The following SLC25A48 variants were observed in gnomAD, a reference collection of about 807,000 sequenced individuals.
SLC25A48 encodes solute carrier family 25 member 48.
In SLC25A48, 29 loss-of-function variants were observed where a neutral mutation model predicts 32.2. That is an observed-to-expected ratio of 0.90 (90% CI 0.67 to 1.23). SLC25A48 has a LOEUF of 1.23. Ranked by LOEUF, SLC25A48 falls within the 50% of genes most tolerant of loss-of-function variation. The probability of loss-of-function intolerance (pLI) is 0.00; values close to 1 mark genes in which losing one functional copy is unlikely to be tolerated. For synonymous variants in SLC25A48, 164 were observed against 172.3 expected, an observed-to-expected ratio of 0.95 and a Z score of 0.38; for missense variants, 399 against 422.7, an observed-to-expected ratio of 0.94 and a Z score of 0.49.
At chr5:135,610,747 C>T (rs1346358758) in intron 1 of SLC25A48, among the ~76,000 whole-genome samples, 1 of 152,228 alleles carries the variant, frequency 6.6e-6, no homozygotes, top group Non-Finnish European at 1.5e-5. Context: ...CAGAACAGAG[C>T]TGACAACCAC....
At chr5:135,625,373 G>A (rs1752420621) in intron 1 of SLC25A48, among the ~76,000 whole-genome samples, 1 of 152,160 alleles carries the variant, frequency 6.6e-6, no homozygotes, top group Non-Finnish European at 1.5e-5. Flanking sequence ...CAGAAGAGAT[G>A]TGGCTAGCAA....
intron 4 of SLC25A48, 71 bp from the exon 5 acceptor site, chr5:135,871,390 T>C: frequency 1.3e-6 from 2 of 1,511,152 alleles, no homozygotes; most frequent in Non-Finnish European, 1.8e-6. Flanking sequence ...CTGGGCTGGC[T>C]CCAGTGTCAC....
intron 3 of SLC25A48, among the ~76,000 whole-genome samples, chr5:135,692,827 C>G (rs1179224065): frequency 6.6e-6 from 1 of 152,218 alleles, no homozygotes; most frequent in Admixed American, 6.5e-5. Context: ...TGCCACTCAA[C>G]TAAGAGATGA....
At chr5:135,792,023 T>A (rs953297330) in intron 3 of SLC25A48, among the ~76,000 whole-genome samples, 1 of 151,824 alleles carries the variant, frequency 6.6e-6, no homozygotes, top group African/African-American at 2.4e-5. Flanking sequence ...CTAATATCAC[T>A]GTGGGTGTTC....
At chr5:135,717,121 C>T (rs990660014) in intron 3 of SLC25A48, among the ~76,000 whole-genome samples, 14 of 152,270 alleles carry the variant, frequency 9.2e-5, no homozygotes, top group Admixed American at 7.8e-4. Context: ...TGTCCACCTT[C>T]GGGCAGATGT....
chr5:135,617,977 T>C (rs1752227597), intron 1 of SLC25A48, among the ~76,000 whole-genome samples: 1 of 152,004 alleles, frequency 6.6e-6, no homozygotes, highest in Non-Finnish European at 1.5e-5. Flanking sequence ...TCTTTGCTAG[T>C]TTTCTGTCTA....
chr5:135,684,536 A>G (rs578044274), intron 3 of SLC25A48, among the ~76,000 whole-genome samples: 7 of 152,212 alleles, frequency 4.6e-5, no homozygotes, highest in South Asian at 2.1e-4. Flanking sequence ...AGTTGTCCCA[A>G]TTTGGGTTGG....
chr5:135,671,747 G>A (rs549495181), intron 3 of SLC25A48: 1 of 152,200 alleles, frequency 6.6e-6, no homozygotes, highest in East Asian at 1.9e-4. Flanking sequence ...ACAAACACAA[G>A]GTAATTTCAT....
chr5:135,819,843 A>G (rs1757834586), intron 4 of SLC25A48, among the ~76,000 whole-genome samples: 1 of 152,234 alleles, frequency 6.6e-6, no homozygotes, highest in African/African-American at 2.4e-5. Context: ...CAACATCATT[A>G]GTCATCAAGA....
At chr5:135,654,941 C>T (rs1041786796) in intron 3 of SLC25A48, among the ~76,000 whole-genome samples, 2 of 152,266 alleles carry the variant, frequency 1.3e-5, no homozygotes, top group East Asian at 1.9e-4. Context: ...AGTGGATGCT[C>T]AATAAATATT....
At chr5:135,660,284 A>G (rs1753366275) in intron 3 of SLC25A48, among the ~76,000 whole-genome samples, 1 of 152,226 alleles carries the variant, frequency 6.6e-6, no homozygotes, top group African/African-American at 2.4e-5. Flanking sequence ...AATATCAATG[A>G]TGATACAATC....
intron 3 of SLC25A48, among the ~76,000 whole-genome samples, chr5:135,718,165 G>C (rs1416247619): frequency 6.6e-6 from 1 of 152,072 alleles, no homozygotes; most frequent in Non-Finnish European, 1.5e-5. Context: ...GTACCACCAT[G>C]CCTGGCTAAT....
intron 3 of SLC25A48, among the ~76,000 whole-genome samples, chr5:135,731,333 C>T (rs992408787): frequency 2.6e-5 from 4 of 152,160 alleles, no homozygotes; most frequent in Non-Finnish European, 4.4e-5. Context: ...TGGATGTATA[C>T]CTGCAGGTCA....
chr5:135,636,976 C>T (rs903044270), intron 3 of SLC25A48, among the ~76,000 whole-genome samples: 10 of 129,012 alleles, frequency 7.8e-5, no homozygotes, highest in Non-Finnish European at 1.4e-4. Context: ...GTATCCGTTA[C>T]GAGTAGGGTG....
At chr5:135,657,026 C>A (rs1402039016) in intron 3 of SLC25A48, among the ~76,000 whole-genome samples, 1 of 152,160 alleles carries the variant, frequency 6.6e-6, no homozygotes, top group Non-Finnish European at 1.5e-5. Context: ...AGTTTGCCTG[C>A]CCCTCCACCC....
chr5:135,865,053 A>G (rs1380410599), intron 4 of SLC25A48, among the ~76,000 whole-genome samples: 1 of 152,252 alleles, frequency 6.6e-6, no homozygotes, highest in Non-Finnish European at 1.5e-5. Context: ...CATGTATTTC[A>G]GTAAAGCACA....
intron 3 of SLC25A48, among the ~76,000 whole-genome samples, chr5:135,666,334 A>G (rs1183233509): frequency 1.3e-5 from 2 of 152,230 alleles, no homozygotes; most frequent in African/African-American, 2.4e-5. Context: ...AGCAATCTGT[A>G]TATTTTAGAC....
intron 4 of SLC25A48, among the ~76,000 whole-genome samples, chr5:135,862,574 T>C (rs1760883715): frequency 6.6e-6 from 1 of 152,190 alleles, no homozygotes; most frequent in Non-Finnish European, 1.5e-5. Flanking sequence ...GAGCCAGATG[T>C]GTGCTTCAAT....
intron 3 of SLC25A48, among the ~76,000 whole-genome samples, chr5:135,768,635 CT>C (rs1756312155): frequency 6.6e-6 from 1 of 151,606 alleles, no homozygotes; most frequent in Admixed American, 6.6e-5. Flanking sequence ...GTTGACCCCC[CT>C]GTTATATTGT....
Sources: allele counts gnomAD v4.1 joint callset (sites outside exome capture counted in the v4.1 genomes callset), GRCh38; gene constraint gnomAD v4.1.1; transcripts MANE v1.5; gene names NCBI Gene and HGNC (gene_info 2026-07-23, HGNC 2026-07-21).